FADD: variants seen among roughly 807,000 people sequenced by gnomAD.
The protein encoded by FADD is FAS-associated death domain protein.
Under a neutral mutation model 5.8 loss-of-function variants are expected in FADD, and 3 were observed. That is an observed-to-expected ratio of 0.52 (90% CI 0.24 to 1.34). The LOEUF is 1.34. Ranked by LOEUF, FADD falls within the 40% of genes most tolerant of loss-of-function variation. FADD has a pLI of 0.17. For missense variants in FADD, 249 were observed against 286.7 expected (o/e 0.87, Z 0.95); for synonymous variants, 138 against 130.8 (o/e 1.06, Z -0.38).
chr11:70,206,615 A>G lies in FADD; in HGVS notation c.*142A>G. 2 of 749,726 alleles carry G rather than the reference A, an allele frequency of 2.7e-6. No homozygotes were observed. Among genetic ancestry groups the G allele is most frequent in the Admixed American group, 4.4e-5 (2 of 45,274 alleles). The allele number at this position is 749,726 out of a possible 1,614,324, so 46.4% of individuals were successfully genotyped here. A position where few individuals can be genotyped will look rare whatever the true frequency, so the allele number is the denominator to read the frequency against. ...CACAGACCACCTGCTTCTGAACTCA[A>G]GCTGCGTTTATTAATGCCTCTCCCG... On this transcript the variant is annotated 3_prime_UTR_variant, in exon 2 of 2. Transcript: ENST00000301838.
In FADD at chr11:70,206,127, T is replaced by C. The variant is rs781637654; in HGVS notation, c.287-6T>C. ...ATGGTAAACCGTTCTGTTCTTTCCT[T>C]CCCAGACCTGTGTGCAGCATTTAAC... On this transcript the variant is annotated splice_region_variant and splice_polypyrimidine_tract_variant and intron_variant, in intron 1 of 1. Coordinates refer to ENST00000301838, the MANE Select transcript of FADD (RefSeq NM_003824.4). 3 of 1,612,904 alleles carry C rather than the reference T, an allele frequency of 1.9e-6. No homozygotes were observed. The South Asian group carries it at 3.3e-5, about 18-fold the overall frequency.
rs566149903 is a variant in FADD, at chr11:70,204,546, C to T, written c.286+801C>T. ...GAGAGGCTTGGGAGTGCTCTGGGGA[C>T]GCCTCTCAGAGGCTTCAAGCTGTAG... On this transcript the variant is annotated intron_variant, in intron 1 of 1. Coordinates refer to ENST00000301838, the MANE Select transcript of FADD (RefSeq NM_003824.4). Among the ~76,000 whole-genome samples the T allele has an allele frequency of 2.6e-5, 4 of 152,232 alleles. No homozygotes were observed. The South Asian group carries it at 8.3e-4, about 32-fold the overall frequency.
At position 70,203,665 on chromosome 11, in the gene FADD, C is replaced by A; in HGVS notation, c.206C>A (p.Ser69Tyr). The change falls in exon 1 of 2, where the codon TCC becomes TAC. Residue 69 changes from serine (S) to tyrosine (Y), a missense_variant. Ser to Tyr is a moderately radical substitution (Grantham distance 144, BLOSUM62 -2). Transcript: ENST00000301838. ...HTELLRELLA[S>Y]LRRHDLLRRV... Reference sequence around the variant, plus strand: ...GAGCTCCTGCGCGAGCTGCTCGCCTCCCTGCGGCGCCACGACCTGCTGCGG... The same window carrying A: ...GAGCTCCTGCGCGAGCTGCTCGCCTACCTGCGGCGCCACGACCTGCTGCGG... 10 of 1,548,780 alleles carry A rather than the reference C, an allele frequency of 6.5e-6. No homozygotes were observed. Among genetic ancestry groups the A allele is most frequent in the African/African-American group, 1.4e-5 (1 of 70,194 alleles).
intron 1 of FADD, among the ~76,000 whole-genome samples, chr11:70,205,206 C>T (rs2049450558): frequency 6.6e-6 from 1 of 152,206 alleles, no homozygotes; most frequent in African/African-American, 2.4e-5. Context: ...GCACCCTGTC[C>T]TGCCTCTCCT....
intron 1 of FADD, among the ~76,000 whole-genome samples, 157 bp from the exon 2 acceptor site, chr11:70,205,976 C>G (rs2049456405): frequency 6.6e-6 from 1 of 152,124 alleles, no homozygotes; most frequent in African/African-American, 2.4e-5. Context: ...TTGGTGCAGC[C>G]CCTTTGCTGC....
At chr11:70,205,741 C>T (rs1214244302) in intron 1 of FADD, among the ~76,000 whole-genome samples, 1 of 152,196 alleles carries the variant, frequency 6.6e-6, no homozygotes, top group Admixed American at 6.5e-5. Flanking sequence ...CGTGAACATA[C>T]CTTGGGGTGA....
At chr11:70,204,338 G>A (rs551528119) in intron 1 of FADD, among the ~76,000 whole-genome samples, 24 of 152,346 alleles carry the variant, frequency 1.6e-4, no homozygotes, top group Non-Finnish European at 3.4e-4. Flanking sequence ...CCGGCCTCCG[G>A]ATGGGTAGTG....
At position 70,203,597 on chromosome 11, in the gene FADD, C is replaced by T. The variant is rs867550756; in HGVS notation, c.138C>T (p.Phe46=). 2.5e-6 allele frequency: 4 copies of T among 1,611,124 alleles called. No individual in the cohort carries two copies. The highest frequency in any genetic ancestry group is 1.7e-4 in the Middle Eastern group (1 of 6,056). The change falls in exon 1 of 2, where the codon TTC becomes TTT. Residue 46 remains phenylalanine (F), a synonymous_variant. Transcript: ENST00000301838. Reference sequence around the variant, plus strand: ...GCGTGCAGAGCGGCCTAGACCTCTTCTCCATGCTGCTGGAGCAGAACGACC... The same window carrying T: ...GCGTGCAGAGCGGCCTAGACCTCTTTTCCATGCTGCTGGAGCAGAACGACC... The part of the protein sequence containing the change: ...LERVQSGLDL[F]SMLLEQNDLE...
intron 1 of FADD, 137 bp from the exon 2 acceptor site, chr11:70,205,996 C>G: frequency 1.3e-6 from 1 of 776,166 alleles, no homozygotes; most frequent in South Asian, 1.5e-5. Flanking sequence ...CCAGGCGACT[C>G]TAGCCTCTAC....
At chr11:70,204,231 C>G (rs113224255) in intron 1 of FADD, among the ~76,000 whole-genome samples, 5 of 152,228 alleles carry the variant, frequency 3.3e-5, no homozygotes, top group Admixed American at 1.3e-4. Flanking sequence ...TATCACTGTT[C>G]CCATTTTACA....
In FADD at chr11:70,203,359, G is replaced by C; in HGVS notation, c.-101G>C. 6.6e-7 allele frequency: 1 copy of C among 1,523,308 alleles called. No homozygotes were observed. The highest frequency in any genetic ancestry group is 8.8e-7 in the Non-Finnish European group (1 of 1,136,716). The allele number at this position is 1,523,308 out of a possible 1,614,324, so 94.4% of individuals were successfully genotyped here. The stretch of plus-strand genomic sequence containing the variant: ...TGCAGGTTCGGGGGTGGAATCCTTG[G>C]GCCGCTGGGCAAGCGGCGAGACCTG... On this transcript the variant is annotated 5_prime_UTR_variant, in exon 1 of 2. Transcript: ENST00000301838.
intron 1 of FADD, among the ~76,000 whole-genome samples, chr11:70,205,860 A>G (rs10793035): frequency 0.49 from 74,995 of 152,012 alleles, 19,082 homozygotes; most frequent in East Asian, 0.66. Context: ...AGGTAGCTCC[A>G]CTACAACTTC....
chr11:70,206,431 G>T lies in FADD; in HGVS notation c.585G>T (p.Pro195=), dbSNP rs1403669233. 8.7e-6 allele frequency: 14 copies of T among 1,613,974 alleles called. No homozygotes were observed. In the South Asian group the frequency reaches 1.5e-4, roughly 18 times the overall value. ...DLQNRSGAMS[P]MSWNSDASTS... is the part of the protein sequence containing the mutation. ...AGAACAGGAGTGGGGCCATGTCCCC[G>T]ATGTCATGGAACTCAGACGCATCTA... The change falls in exon 2 of 2, where the codon CCG becomes CCT. Residue 195 remains proline (P), a synonymous_variant. Coordinates refer to ENST00000301838, the MANE Select transcript of FADD (RefSeq NM_003824.4).
At chr11:70,204,265 G>T (rs916002947) in intron 1 of FADD, among the ~76,000 whole-genome samples, 3 of 152,226 alleles carry the variant, frequency 2.0e-5, no homozygotes, top group African/African-American at 7.2e-5. Context: ...TGGCTCACAG[G>T]TTAAGTGGCT....
rs540113399 is a variant in FADD at position 70,205,725 on chromosome 11, A to G, written c.287-408A>G. Reference sequence around the variant, plus strand: ...CCAAAGAACATTCATGGTTTCAGCAATTTCACGTGAACATACCTTGGGGTG... The same window carrying G: ...CCAAAGAACATTCATGGTTTCAGCAGTTTCACGTGAACATACCTTGGGGTG... On this transcript the variant is annotated intron_variant, in intron 1 of 1. Coordinates refer to ENST00000301838, the MANE Select transcript of FADD (RefSeq NM_003824.4). Among the ~76,000 whole-genome samples the G allele has an allele frequency of 1.2e-4, 19 of 152,288 alleles. No homozygotes were observed. In the East Asian group the frequency reaches 3.1e-3, roughly 25 times the overall value.
intron 1 of FADD, among the ~76,000 whole-genome samples, chr11:70,204,274 C>T (rs2049443506): frequency 6.6e-6 from 1 of 152,198 alleles, no homozygotes; most frequent in Non-Finnish European, 1.5e-5. Context: ...GGTTAAGTGG[C>T]TTTGTCGAAA....
Position 70,207,321 on chromosome 11 carries a change from A to C in FADD, c.*848A>C, listed in dbSNP as rs2049470699. On this transcript the variant is annotated 3_prime_UTR_variant, in exon 2 of 2. Coordinates refer to ENST00000301838, the MANE Select transcript of FADD (RefSeq NM_003824.4). Reference sequence around the variant, plus strand: ...AAGGCAGCGGGATCTCGTATCTTTAAAAAGCAGTCCTCTTATTCCTAAGGT... The same window carrying C: ...AAGGCAGCGGGATCTCGTATCTTTACAAAGCAGTCCTCTTATTCCTAAGGT... 1 of 152,208 alleles carries C rather than the reference A, an allele frequency of 6.6e-6. No homozygotes were observed. Among genetic ancestry groups the C allele is most frequent in the Non-Finnish European group, 1.5e-5 (1 of 68,042 alleles). The allele number at this position is 152,208 out of a possible 1,614,324, so 9.4% of individuals were successfully genotyped here.
Position 70,206,165 on chromosome 11 carries a change from A to G in FADD, c.319A>G (p.Asn107Asp). ...TGCAGCATTTAACGTCATATGTGAT[A>G]ATGTGGGGAAAGATTGGAGAAGGCT... ...LCAAFNVICD[N>D]VGKDWRRLAR... is the part of the protein sequence containing the mutation. The change falls in exon 2 of 2, where the codon AAT (asparagine) becomes GAT (aspartate). Residue 107 changes from asparagine (N) to aspartate (D), a missense_variant. By Grantham distance (23) the Asn-to-Asp change is conservative (BLOSUM62 1). Transcript: ENST00000301838. The G allele has an allele frequency of 1.2e-6, 2 of 1,614,090 alleles. No homozygotes were observed. The highest frequency in any genetic ancestry group is 1.7e-6 in the Non-Finnish European group (2 of 1,179,982).
intron 1 of FADD, 114 bp from the exon 2 acceptor site, chr11:70,206,019 G>A (rs1248946081): frequency 9.0e-6 from 8 of 892,620 alleles, no homozygotes; most frequent in South Asian, 1.4e-5. Flanking sequence ...AGGACCTCGT[G>A]TAGGCACCTC....
Sources: allele counts gnomAD v4.1 joint callset (sites outside exome capture counted in the v4.1 genomes callset), GRCh38; gene constraint gnomAD v4.1.1; transcripts MANE v1.5; gene names NCBI Gene and HGNC (gene_info 2026-07-23, HGNC 2026-07-21).